Variants in DSCAM observed in about 807,000 individuals in gnomAD.
DSCAM encodes the protein DS cell adhesion molecule.
In DSCAM, 47 loss-of-function variants were observed where a neutral mutation model predicts 217.7. The observed-to-expected ratio is 0.22, with a 90% CI of 0.17 to 0.28. DSCAM has a LOEUF of 0.28. Among genes scored for constraint, DSCAM ranks in the 10% least tolerant of loss-of-function variants. The pLI is 1.00. For missense variants in DSCAM, 2,080 were observed against 2,618.3 expected, an observed-to-expected ratio of 0.79 and a Z score of 4.49; for synonymous variants, 1,056 against 1,015.3, an observed-to-expected ratio of 1.04 and a Z score of -0.76.
chr21:40,219,085 C>T (rs1044260593), intron 11 of DSCAM, among the ~76,000 whole-genome samples: 1 of 152,114 alleles, frequency 6.6e-6, no homozygotes, highest in Admixed American at 6.6e-5. Context: ...CAGCTTTTGC[C>T]CATTCCATAT....
chr21:40,715,147 A>G (rs1262270073), intron 1 of DSCAM, among the ~76,000 whole-genome samples: 1 of 152,248 alleles, frequency 6.6e-6, no homozygotes, highest in Non-Finnish European at 1.5e-5. Context: ...CTGTTTTAGT[A>G]GCAGAAAATG....
intron 3 of DSCAM, among the ~76,000 whole-genome samples, chr21:40,421,794 T>C (rs2075427007): frequency 6.6e-6 from 1 of 152,230 alleles, no homozygotes; most frequent in South Asian, 2.1e-4. Context: ...TCCATGACTT[T>C]CTCTCTGACA....
chr21:40,276,051 C>A (rs2073682349), intron 11 of DSCAM, 46 bp downstream of exon 11: 1 of 1,491,928 alleles, frequency 6.7e-7, no homozygotes, highest in Non-Finnish European at 8.9e-7. Flanking sequence ...CCCCCAGAGA[C>A]CTATGTATTT....
chr21:40,013,717 A>C (rs2146404061), intron 32 of DSCAM, among the ~76,000 whole-genome samples: 1 of 152,350 alleles, frequency 6.6e-6, no homozygotes, highest in South Asian at 2.1e-4. Context: ...ATCAGTGTCC[A>C]CTGGGTACGA....
chr21:40,337,833 T>G (rs919283672), intron 8 of DSCAM, among the ~76,000 whole-genome samples: 1 of 152,040 alleles, frequency 6.6e-6, no homozygotes, highest in African/African-American at 2.4e-5. Context: ...GATGTGCTCC[T>G]TTTTTTTCTG....
At chr21:40,690,353 GTGACAAGTCTA>G (rs1412166342) in intron 3 of DSCAM, among the ~76,000 whole-genome samples, 2 of 152,168 alleles carry the variant, frequency 1.3e-5, no homozygotes, top group African/African-American at 4.8e-5. Flanking sequence ...GTCATTTTTA[GTGACAAGTCTA>G]TTCGACTCAG....
chr21:40,246,004 A>G (rs1307327371), intron 11 of DSCAM, among the ~76,000 whole-genome samples: 1 of 152,070 alleles, frequency 6.6e-6, no homozygotes, highest in Non-Finnish European at 1.5e-5. Flanking sequence ...TGTTCTCTGT[A>G]TCTGCTTTCC....
intron 11 of DSCAM, among the ~76,000 whole-genome samples, chr21:40,251,245 A>T (rs1379522210): frequency 6.6e-6 from 1 of 152,248 alleles, no homozygotes; most frequent in Non-Finnish European, 1.5e-5. Flanking sequence ...ATACTGAGTA[A>T]CACAGAAAAA....
At chr21:40,498,641 T>C (rs908357065) in intron 3 of DSCAM, among the ~76,000 whole-genome samples, 1 of 132,190 alleles carries the variant, frequency 7.6e-6, no homozygotes, top group African/African-American at 2.7e-5. Context: ...TATATATATA[T>C]ATATAGTGTG....
chr21:40,486,435 GAGGC>G (rs962382507), intron 3 of DSCAM, among the ~76,000 whole-genome samples: 5 of 151,590 alleles, frequency 3.3e-5, no homozygotes, highest in Non-Finnish European at 5.9e-5. Flanking sequence ...TCAAGTAAAA[GAGGC>G]AGGCAGGCAG....
chr21:40,069,349 T>C (rs902709834), intron 27 of DSCAM, among the ~76,000 whole-genome samples: 7 of 152,062 alleles, frequency 4.6e-5, no homozygotes, highest in African/African-American at 1.4e-4. Context: ...CTGTGTTCTG[T>C]TTATAGACCA....
chr21:40,032,178 G>A (rs1222697617), intron 32 of DSCAM, among the ~76,000 whole-genome samples: 1 of 152,192 alleles, frequency 6.6e-6, no homozygotes, highest in Non-Finnish European at 1.5e-5. Context: ...GGTCCCCAAT[G>A]TGTGGTTCCT....
intron 19 of DSCAM, 147 bp from the exon 20 acceptor site, chr21:40,124,475 A>G (rs574103626): frequency 3.1e-6 from 3 of 981,632 alleles, no homozygotes; most frequent in Non-Finnish European, 4.5e-6. Flanking sequence ...CCAAATGCAT[A>G]TGTTGAAGTC....
chr21:40,651,838 A>T (rs2146361264), intron 3 of DSCAM, among the ~76,000 whole-genome samples: 1 of 152,318 alleles, frequency 6.6e-6, no homozygotes, highest in East Asian at 1.9e-4. Context: ...TTCTGCCAGG[A>T]ATTAGTCTAA....
chr21:40,769,357 C>T (rs2091424686), intron 1 of DSCAM, among the ~76,000 whole-genome samples: 1 of 152,174 alleles, frequency 6.6e-6, no homozygotes, highest in Non-Finnish European at 1.5e-5. Flanking sequence ...CAGATGACCC[C>T]AACCTCAAAG....
At chr21:40,734,597 C>T (rs201369264) in intron 1 of DSCAM, among the ~76,000 whole-genome samples, 49 of 152,242 alleles carry the variant, frequency 3.2e-4, no homozygotes, top group East Asian at 2.1e-3. Context: ...TCTGCTTCTT[C>T]GAATGTAAAT....
chr21:40,371,614 A>G (rs1009682092), intron 3 of DSCAM, among the ~76,000 whole-genome samples: 4 of 152,220 alleles, frequency 2.6e-5, no homozygotes, highest in African/African-American at 9.6e-5. Context: ...AGAGGGCTCT[A>G]TTCTCTAGGA....
chr21:40,125,002 T>C (rs1205729923), intron 19 of DSCAM, among the ~76,000 whole-genome samples: 1 of 152,190 alleles, frequency 6.6e-6, no homozygotes, highest in Non-Finnish European at 1.5e-5. Context: ...ATGAACCTTT[T>C]GGATCCTGAA....
chr21:40,508,729 C>T (rs546852776), intron 3 of DSCAM, among the ~76,000 whole-genome samples: 2 of 111,946 alleles, frequency 1.8e-5, no homozygotes, highest in East Asian at 2.7e-4. Context: ...CCACCACACC[C>T]GGCAAATATA....
Sources: gnomAD v4.1 joint callset for allele counts (sites outside exome capture counted in the v4.1 genomes callset) on GRCh38, gnomAD v4.1.1 for gene constraint, MANE v1.5 for transcripts, NCBI Gene and HGNC (gene_info 2026-07-23, HGNC 2026-07-21) for gene names.